The following CWF19L2 variants were observed in gnomAD, a reference collection of about 807,000 sequenced individuals.
CWF19L2 encodes the protein CWF19 like cell cycle control factor 2.
Under a neutral mutation model 111.7 loss-of-function variants are expected in CWF19L2, and 98 were observed. The ratio of observed to expected loss-of-function variants is 0.88; its 90% CI spans 0.75 to 1.04. The LOEUF (loss-of-function observed/expected upper bound fraction) is 1.04. Ranked by LOEUF, CWF19L2 falls within the 50% of genes least tolerant of loss-of-function variation. The pLI is 0.00. For missense variants in CWF19L2, 1,101 were observed against 1,051.4 expected (o/e 1.05, Z -0.65); for synonymous variants, 351 against 342.9 (o/e 1.02, Z -0.26).
chr11:107,404,673 C>A, intron 10 of CWF19L2: 1 of 421,134 alleles, frequency 2.4e-6, no homozygotes, highest in South Asian at 2.1e-5. Context: ...ACTGTCTTCC[C>A]CACCTTTCCA....
At position 107,430,608 on chromosome 11, in the gene CWF19L2, CA is replaced by C. The variant is rs1861452102; in HGVS notation, c.781-1158del. ...GATGCTAAAAACCAAATGTCAAATGCAATGGTCAAGTCTAAATAACTGTTCT... is the reference window on the plus strand; with the variant it reads ...GATGCTAAAAACCAAATGTCAAATGCATGGTCAAGTCTAAATAACTGTTCT... On this transcript the variant is annotated intron_variant, in intron 7 of 17. Transcript: ENST00000282251. 2.0e-5 allele frequency among the ~76,000 whole-genome samples: 3 copies of C among 151,992 alleles called. No homozygotes were observed. In the South Asian group the frequency reaches 6.2e-4, roughly 31 times the overall value.
rs570524055 is a variant in CWF19L2 at position 107,359,531 on chromosome 11, T to C, written c.1873-5795A>G. Among the ~76,000 whole-genome samples, 68 of 152,318 alleles carry C rather than the reference T, an allele frequency of 4.5e-4. 1 individual carries two copies. The highest frequency in any genetic ancestry group is 1.6e-3 in the African/African-American group (67 of 41,576). On this transcript the variant is annotated intron_variant, in intron 12 of 17. Transcript: ENST00000282251. ...ATCTTAGGGAAAAAACAGGAGTGAC[T>C]ATTACCCTTTGTGATAAACTAGCAA...
chr11:107,380,000 T>C (rs1388678038), intron 12 of CWF19L2, among the ~76,000 whole-genome samples: 3 of 123,366 alleles, frequency 2.4e-5, no homozygotes, highest in African/African-American at 9.7e-5. Context: ...TGAGCTGAGA[T>C]CGTACCACTG....
At chr11:107,390,433 G>A (rs1007948298) in intron 11 of CWF19L2, among the ~76,000 whole-genome samples, 3 of 152,106 alleles carry the variant, frequency 2.0e-5, no homozygotes, top group African/African-American at 7.2e-5. Flanking sequence ...CCCAGGGATG[G>A]AAGCATGATA....
chr11:107,362,242 G>A (rs1464791261), intron 12 of CWF19L2, among the ~76,000 whole-genome samples: 2 of 152,146 alleles, frequency 1.3e-5, no homozygotes, highest in Non-Finnish European at 2.9e-5. Flanking sequence ...AGCGAGGCAG[G>A]GGGAAGGGGC....
chr11:107,330,685 C>T (rs950736228), intron 16 of CWF19L2, among the ~76,000 whole-genome samples: 1 of 107,260 alleles, frequency 9.3e-6, no homozygotes, highest in Non-Finnish European at 1.9e-5. Context: ...CACACACACA[C>T]ACACTTTAAA....
intron 14 of CWF19L2, among the ~76,000 whole-genome samples, chr11:107,339,036 G>A (rs1591149763): frequency 6.6e-6 from 1 of 152,196 alleles, no homozygotes; most frequent in East Asian, 1.9e-4. Context: ...CACAAACAGT[G>A]TATAAGCGTT....
chr11:107,428,648 C>T (rs927326801), intron 8 of CWF19L2, 151 bp downstream of exon 8: 1 of 622,882 alleles, frequency 1.6e-6, no homozygotes. Flanking sequence ...TACCACAATA[C>T]TGCCTGTTAA....
chr11:107,384,985 T>C (rs1461008821), intron 12 of CWF19L2, among the ~76,000 whole-genome samples: 1 of 152,242 alleles, frequency 6.6e-6, no homozygotes, highest in African/African-American at 2.4e-5. Flanking sequence ...CCAGCAATAT[T>C]ACTATCAAAA....
intron 10 of CWF19L2, chr11:107,404,369 A>AT: frequency 1.3e-6 from 1 of 789,134 alleles, no homozygotes; most frequent in Non-Finnish European, 2.3e-6. Context: ...GCTGTACCTC[A>AT]TGTAGGGCAT....
At chr11:107,425,980 A>C (rs2135405876) in intron 8 of CWF19L2, among the ~76,000 whole-genome samples, 1 of 152,058 alleles carries the variant, frequency 6.6e-6, no homozygotes, top group African/African-American at 2.4e-5. Flanking sequence ...CTAATAATAA[A>C]AAGCTCAAGG....
chr11:107,399,500 G>A (rs951326467), intron 10 of CWF19L2, among the ~76,000 whole-genome samples: 1 of 152,172 alleles, frequency 6.6e-6, no homozygotes, highest in Non-Finnish European at 1.5e-5. Context: ...AATGGTAAAA[G>A]GCCTTGTCCA....
At chr11:107,335,144 C>A (rs1260629779) in intron 15 of CWF19L2, among the ~76,000 whole-genome samples, 183 bp from the exon 16 acceptor site, 5 of 152,006 alleles carry the variant, frequency 3.3e-5, no homozygotes, top group Non-Finnish European at 7.4e-5. Flanking sequence ...GAAATCTTAC[C>A]ATTAGCCAAA....
chr11:107,336,317 T>C (rs1332676851), intron 15 of CWF19L2, among the ~76,000 whole-genome samples: 1 of 152,082 alleles, frequency 6.6e-6, no homozygotes, highest in Non-Finnish European at 1.5e-5. Context: ...CAGTTAATTT[T>C]TGTATTTTTA....
chr11:107,375,200 T>G lies in CWF19L2; in HGVS notation c.1872+14874A>C, dbSNP rs1355028799. ...GACTTTAACACCCCACTGTCAACAT[T>G]AGACAGATCAACGAGACAGAAGGTC... On this transcript the variant is annotated intron_variant, in intron 12 of 17. Transcript: ENST00000282251. 2.3e-5 allele frequency among the ~76,000 whole-genome samples: 3 copies of G among 131,970 alleles called. 1 individual carries two copies. Among genetic ancestry groups the G allele is most frequent in the Non-Finnish European group, 4.9e-5 (3 of 61,784 alleles). 86.6% of individuals were successfully genotyped at this position (131,970 alleles called of 152,430 possible).
At chr11:107,403,690 C>G (rs781085867) in intron 10 of CWF19L2, 4 of 786,726 alleles carry the variant, frequency 5.1e-6, no homozygotes, top group Middle Eastern at 2.3e-4. Flanking sequence ...TGATGCTGCC[C>G]TGACTGCACT....
At chr11:107,429,843 G>GA (rs1861439967) in intron 7 of CWF19L2, among the ~76,000 whole-genome samples, 1 of 139,534 alleles carries the variant, frequency 7.2e-6, no homozygotes, top group East Asian at 2.1e-4. Context: ...TCAAGAACAA[G>GA]AAAGACTTGG....
At chr11:107,361,728 T>C (rs940965360) in intron 12 of CWF19L2, among the ~76,000 whole-genome samples, 2 of 152,218 alleles carry the variant, frequency 1.3e-5, no homozygotes, top group African/African-American at 4.8e-5. Context: ...TTATTTTTTA[T>C]AGCTATTGTA....
intron 10 of CWF19L2, among the ~76,000 whole-genome samples, chr11:107,399,829 C>G (rs971623242): frequency 6.6e-6 from 1 of 152,082 alleles, no homozygotes; most frequent in Admixed American, 6.5e-5. Flanking sequence ...TAAAATGAGC[C>G]TAGATAAATT....
Sources: gnomAD v4.1 joint callset for allele counts (sites outside exome capture counted in the v4.1 genomes callset) on GRCh38, gnomAD v4.1.1 for gene constraint, MANE v1.5 for transcripts, NCBI Gene and HGNC (gene_info 2026-07-23, HGNC 2026-07-21) for gene names.